LRRC37B: variants seen among roughly 807,000 people sequenced by gnomAD.
The protein encoded by LRRC37B is leucine rich repeat containing 37B, also known as leucine-rich repeat-containing protein 37B.
LRRC37B carries 28 observed loss-of-function variants against 98.3 expected under a neutral mutation model. The ratio of observed to expected loss-of-function variants is 0.28; its 90% CI spans 0.21 to 0.39. The LOEUF (loss-of-function observed/expected upper bound fraction) is 0.39. Ranked by LOEUF, LRRC37B falls within the 10% of genes least tolerant of loss-of-function variation. LRRC37B has a pLI of 1.00. For synonymous variants in LRRC37B, 364 were observed against 442.7 expected, an observed-to-expected ratio of 0.82 and a Z score of 2.23; for missense variants, 938 against 1,182.7, an observed-to-expected ratio of 0.79 and a Z score of 3.03.
At position 32,035,291 on chromosome 17, in the gene LRRC37B, A is replaced by G. The variant is rs1398343999; in HGVS notation, c.2130-274A>G. Among the ~76,000 whole-genome samples the G allele has an allele frequency of 2.6e-5, 4 of 152,214 alleles. No individual in the cohort carries two copies. In the South Asian group the frequency reaches 6.2e-4, roughly 24 times the overall value. On this transcript the variant is annotated intron_variant, in intron 6 of 11. Coordinates refer to ENST00000327564, the Ensembl canonical transcript of LRRC37B. ...TTATTCTAAAAAGAAAGAAAAGAGT[A>G]AATCAAGATGGGTGAATGCAATATG...
intron 1 of LRRC37B, 59 bp downstream of exon 4, chr17:32,022,884 C>T: frequency 6.5e-7 from 1 of 1,543,894 alleles, no homozygotes; most frequent in East Asian, 2.2e-5. Flanking sequence ...CAGCCTTTTC[C>T]TGGAGGCCTT....
chr17:32,021,362 T>C, exon 1 of LRRC37B: 6 of 1,613,996 alleles, frequency 3.7e-6, no homozygotes, highest in Non-Finnish European at 3.4e-6. Flanking sequence ...CGGGGGACTT[T>C]GATTACCTGG....
rs545747903 is a variant in LRRC37B, at chr17:32,033,312, AAGGAAGGG to A, written c.2058-1586_2058-1579del. 6.4e-3 allele frequency among the ~76,000 whole-genome samples: 881 copies of A among 137,424 alleles called. 15 individuals are homozygous for A. Among genetic ancestry groups the A allele is most frequent in the African/African-American group, 0.022 (833 of 38,204 alleles). The allele number at this position is 137,424 out of a possible 152,430, so 90.2% of individuals were successfully genotyped here. A position where few individuals can be genotyped will look rare whatever the true frequency, so the allele number is the denominator to read the frequency against. ...AAACTTTAACTCAAAAGAAGGAAGG[AAGGAAGGG>A]AGGAAGGGAGGGAGGGGAGGGAGGG... On this transcript the variant is annotated intron_variant, in intron 5 of 11. Transcript: ENST00000327564.
intron 7 of LRRC37B, 96 bp downstream of exon 10, chr17:32,035,735 A>C: frequency 7.7e-7 from 1 of 1,292,720 alleles, no homozygotes; most frequent in Non-Finnish European, 1.1e-6. Context: ...TTTAATTTTC[A>C]TATAACATTC....
At chr17:32,043,510 G>A (rs2957921) in intron 7 of LRRC37B, among the ~76,000 whole-genome samples, 124 of 152,346 alleles carry the variant, frequency 8.1e-4, no homozygotes, top group Non-Finnish European at 5.7e-4. Context: ...GCAGTGAGCC[G>A]AGATTGCACC....
intron 7 of LRRC37B, among the ~76,000 whole-genome samples, chr17:32,044,320 C>T (rs530116133): frequency 1.3e-5 from 2 of 152,350 alleles, no homozygotes; most frequent in Admixed American, 6.5e-5. Flanking sequence ...AGATCAGGCA[C>T]TGCATGTCAT....
At chr17:32,011,110 C>G (rs1032433476) in intron 1 of LRRC37B, among the ~76,000 whole-genome samples, 3 of 151,876 alleles carry the variant, frequency 2.0e-5, no homozygotes, top group Non-Finnish European at 4.4e-5. Flanking sequence ...GATTCTCCTG[C>G]CTCAGCCTCC....
At chr17:32,027,791 A>G in exon 3 of LRRC37B, 1 of 1,607,268 alleles carries the variant, frequency 6.2e-7, no homozygotes, top group Non-Finnish European at 8.5e-7. Flanking sequence ...AAATTATTTG[A>G]CTGAATTACC....
Position 32,040,363 on chromosome 17 carries a change from G to A in LRRC37B, c.2204+4724G>A, listed in dbSNP as rs1056593233. 6 of 422,306 alleles carry A rather than the reference G, an allele frequency of 1.4e-5. No homozygotes were observed. The East Asian group carries it at 2.8e-4, about 20-fold the overall frequency. 26.2% of individuals were successfully genotyped at this position (422,306 alleles called of 1,614,324 possible). The stretch of plus-strand genomic sequence containing the variant: ...AAGCACGTGGTGGGGCCCCTGAGGC[G>A]TGCAGAGGGTCACGCACCTGGGAGC... On this transcript the variant is annotated intron_variant, in intron 7 of 11. Transcript: ENST00000327564.
rs1316940053 is a variant in LRRC37B, at chr17:32,021,906, C to T, written c.841C>T (p.Gln281Ter). Residue 281 changes from glutamine (Q) to a stop codon, truncating the protein, a stop_gained, in exon 1 of 12, where the codon CAA becomes TAA. Coordinates refer to ENST00000327564, the Ensembl canonical transcript of LRRC37B. LOFTEE classifies it high-confidence loss of function. Reference sequence around the variant, plus strand: ...AGATGAGCCTCCAGGGCCTCCTGAGCAAGTTGGACTTTCTCAATTCCATCT... The same window carrying T: ...AGATGAGCCTCCAGGGCCTCCTGAGTAAGTTGGACTTTCTCAATTCCATCT... The T allele has an allele frequency of 2.8e-5, 45 of 1,614,042 alleles. No individual in the cohort carries two copies. The highest frequency in any genetic ancestry group is 3.8e-5 in the Non-Finnish European group (45 of 1,180,032).
In LRRC37B at chr17:32,021,191, G is replaced by A; in HGVS notation, c.126G>A (p.Trp42Ter). The change falls in exon 1 of 12, where the codon TGG becomes TGA. Residue 42 changes from tryptophan to a stop codon, truncating the protein, a stop_gained. Coordinates refer to ENST00000327564, the Ensembl canonical transcript of LRRC37B. LOFTEE classifies it high-confidence loss of function. ...GGGGCCCATGGCCCCTCCTTACGTG[G>A]CAACTATTGTCTTTACTAGTCAAGG... 1 of 1,613,226 alleles carries A rather than the reference G, an allele frequency of 6.2e-7. No individual in the cohort carries two copies. Among genetic ancestry groups the A allele is most frequent in the African/African-American group, 1.3e-5 (1 of 75,024 alleles).
chr17:32,027,955 G>A lies in LRRC37B; in HGVS notation c.1904+115G>A, dbSNP rs1300284437. On this transcript the variant is annotated intron_variant, in intron 3 of 11. Transcript: ENST00000327564. ...TCCAGCAATAAAATTCTGCAATTCT[G>A]TAAGTTTGTATAGGGTCTCAGCCCA... 7 of 759,010 alleles carry A rather than the reference G, an allele frequency of 9.2e-6. No homozygotes were observed. The Admixed American group carries it at 1.2e-4, about 13-fold the overall frequency. The allele number at this position is 759,010 out of a possible 1,614,324, so 47.0% of individuals were successfully genotyped here.
chr17:32,021,065 C>T (rs1910756039), exon 1 of LRRC37B: 1 of 1,611,032 alleles, frequency 6.2e-7, no homozygotes, highest in Non-Finnish European at 8.5e-7. Flanking sequence ...AAAGACAGGG[C>T]ATGGCACACG....
chr17:32,048,451 A>C (rs201460131), intron 9 of LRRC37B, among the ~76,000 whole-genome samples: 6,777 of 150,024 alleles, frequency 0.045, 450 homozygotes, highest in African/African-American at 0.15. Context: ...ATAAGGCAGC[A>C]GTCTCCTCTG....
Position 32,021,694 on chromosome 17 carries a change from C to T in LRRC37B, c.629C>T (p.Thr210Ile), listed in dbSNP as rs139420223. The T allele has an allele frequency of 3.2e-3, 5,171 of 1,614,240 alleles. 12 individuals carry two copies. Among genetic ancestry groups the T allele is most frequent in the Non-Finnish European group, 4.1e-3 (4,782 of 1,180,048 alleles). The stretch of plus-strand genomic sequence containing the variant: ...CTAGACAGTAAGGTTTCAAGACCAA[C>T]CAAATTTGTTGTTTCGCCCAAGAAC... Residue 210 changes from threonine (T) to isoleucine (I), a missense_variant, in exon 1 of 12, where the codon ACC becomes ATC. Thr to Ile is a moderately conservative substitution (Grantham distance 89). Transcript: ENST00000327564.
At position 32,039,020 on chromosome 17, in the gene LRRC37B, G is replaced by A. The variant is rs538019188; in HGVS notation, c.2204+3381G>A. 3.9e-5 allele frequency among the ~76,000 whole-genome samples: 6 copies of A among 152,194 alleles called. No homozygotes were observed. In the East Asian group the frequency reaches 7.7e-4, roughly 20 times the overall value. ...AGAACCTGTTGTTTAATCCAAAGTG[G>A]AAAAGATTTACTCTATATGTCTTCT... On this transcript the variant is annotated intron_variant, in intron 7 of 11. Transcript: ENST00000327564.
intron 8 of LRRC37B, among the ~76,000 whole-genome samples, chr17:32,046,617 T>A (rs1949278537): frequency 6.6e-6 from 1 of 150,752 alleles, no homozygotes; most frequent in African/African-American, 2.4e-5. Flanking sequence ...TTTTTTTTTT[T>A]ACCAATTATA....
chr17:32,034,847 G>A, intron 5 of LRRC37B, 63 bp from the exon 9 acceptor site: 1 of 1,270,382 alleles, frequency 7.9e-7, no homozygotes, highest in Non-Finnish European at 1.1e-6. Flanking sequence ...AATGAATATA[G>A]ACTTTTTATG....
intron 7 of LRRC37B, among the ~76,000 whole-genome samples, chr17:32,037,947 T>TACAC (rs577973558): frequency 1.7e-4 from 25 of 150,430 alleles, no homozygotes; most frequent in Middle Eastern, 3.2e-3. Context: ...CTCTACTAAA[T>TACAC]ACACACACAC....
Sources: allele counts gnomAD v4.1 joint callset (sites outside exome capture counted in the v4.1 genomes callset), GRCh38; gene constraint gnomAD v4.1.1; transcripts MANE v1.5; gene names NCBI Gene and HGNC (gene_info 2026-07-23, HGNC 2026-07-21).